SORCS2: variants seen among roughly 807,000 people sequenced by gnomAD.
SORCS2 encodes the protein VPS10 domain-containing receptor SorCS2.
In SORCS2, 100 loss-of-function variants were observed where a neutral mutation model predicts 141.6. The ratio of observed to expected loss-of-function variants is 0.71; its 90% CI spans 0.60 to 0.83. The LOEUF is 0.83. Among genes scored for constraint, SORCS2 ranks in the 40% least tolerant of loss-of-function variants. The probability of loss-of-function intolerance (pLI) is 0.00; values close to 1 mark genes in which losing one functional copy is unlikely to be tolerated. For missense variants in SORCS2, 1,646 were observed against 1,560.2 expected, an observed-to-expected ratio of 1.05 and a Z score of -0.93; for synonymous variants, 789 against 676.9, an observed-to-expected ratio of 1.17 and a Z score of -2.57.
rs138372191 is a variant in SORCS2, at chr4:7,536,262, G to A, written c.648+4633G>A. ...TCCTTGTCTGTAGAGTGGGGTTGCG[G>A]TGGTGAATAAGGATTACCTGGGTTA... On this transcript the variant is annotated intron_variant, in intron 3 of 26. Transcript: ENST00000507866. 1.7e-3 allele frequency among the ~76,000 whole-genome samples: 253 copies of A among 152,348 alleles called. 4 individuals carry two copies. The highest frequency in any genetic ancestry group is 5.3e-3 in the African/African-American group (220 of 41,584).
At chr4:7,691,500 G>C (rs1227624872) in intron 11 of SORCS2, among the ~76,000 whole-genome samples, 2 of 152,132 alleles carry the variant, frequency 1.3e-5, no homozygotes, top group Non-Finnish European at 2.9e-5. Flanking sequence ...TTGCACCTGG[G>C]AAGGGAGGGG....
chr4:7,627,524 A>G (rs886372), intron 3 of SORCS2, among the ~76,000 whole-genome samples: 119,142 of 152,164 alleles, frequency 0.78, 47,177 homozygotes, highest in East Asian at 0.96. Context: ...TTTAGGAACC[A>G]TGAATGCTGA....
At position 7,714,332 on chromosome 4, in the gene SORCS2, C is replaced by G; in HGVS notation, c.2082C>G (p.Leu694=). 1 of 1,575,274 alleles carries G rather than the reference C, an allele frequency of 6.3e-7. No homozygotes were observed. Among genetic ancestry groups the G allele is most frequent in the South Asian group, 1.2e-5 (1 of 85,740 alleles). ...CIKGRSFTSA[L]TSRVCECRDS... ...AGGGGAGGAGCTTCACGTCGGCGCT[C>G]ACGTCCCGCGTGTGCGAGTGCCGGG... is the stretch of plus-strand genomic sequence containing the variant. The change falls in exon 16 of 27, where the codon CTC becomes CTG. Residue 694 remains leucine, a synonymous_variant. Coordinates refer to ENST00000507866, the MANE Select transcript of SORCS2 (RefSeq NM_020777.3).
chr4:7,350,402 G>A (rs1232153354), intron 1 of SORCS2, among the ~76,000 whole-genome samples: 2 of 152,246 alleles, frequency 1.3e-5, no homozygotes, highest in Non-Finnish European at 2.9e-5. Flanking sequence ...ACAGAACTTA[G>A]CAATACATAG....
At chr4:7,446,776 T>C (rs1297259746) in intron 2 of SORCS2, among the ~76,000 whole-genome samples, 3 of 152,190 alleles carry the variant, frequency 2.0e-5, no homozygotes, top group African/African-American at 7.2e-5. Context: ...CCAGGGGCAA[T>C]TGTACGTGCA....
At chr4:7,194,245 G>A (rs539187676) in intron 1 of SORCS2, among the ~76,000 whole-genome samples, 75 of 152,210 alleles carry the variant, frequency 4.9e-4, no homozygotes, top group African/African-American at 1.7e-3. Context: ...GCTTCCCAAA[G>A]GGCCAGGGTT....
At chr4:7,728,644 C>T (rs974093909) in intron 22 of SORCS2, among the ~76,000 whole-genome samples, 182 bp downstream of exon 22, 17 of 152,198 alleles carry the variant, frequency 1.1e-4, no homozygotes, top group African/African-American at 4.1e-4. Context: ...GGCACACTGC[C>T]CTTATTTAGG....
chr4:7,536,838 G>C (rs1263135620), intron 3 of SORCS2, among the ~76,000 whole-genome samples: 19 of 41,146 alleles, frequency 4.6e-4, no homozygotes, highest in Non-Finnish European at 1.9e-3. Context: ...GATGTGGGGG[G>C]GGGGGGCGGG....
intron 9 of SORCS2, among the ~76,000 whole-genome samples, chr4:7,680,062 C>G (rs1024551155): frequency 6.6e-6 from 1 of 152,230 alleles, no homozygotes; most frequent in Non-Finnish European, 1.5e-5. Context: ...GGTGATGTCC[C>G]TGGGTCCCCA....
intron 8 of SORCS2, among the ~76,000 whole-genome samples, chr4:7,673,465 C>A (rs934241744): frequency 5.3e-5 from 8 of 152,112 alleles, no homozygotes; most frequent in African/African-American, 1.9e-4. Context: ...GAATATCATG[C>A]AGTCATTAAA....
In SORCS2 at chr4:7,635,998, A is replaced by G. The variant is rs571055847; in HGVS notation, c.649-2330A>G. 1.1e-4 allele frequency among the ~76,000 whole-genome samples: 16 copies of G among 152,356 alleles called. No homozygotes were observed. In the South Asian group the frequency reaches 3.3e-3, roughly 32 times the overall value. ...CTTGCAGACTATTGATTTTTGCTCC[A>G]TGAGCTTAATTGTCTTCTGGAGATA... On this transcript the variant is annotated intron_variant, in intron 3 of 26. Transcript: ENST00000507866.
chr4:7,290,796 TTTCATTCATTCA>T (rs3031021), intron 1 of SORCS2, among the ~76,000 whole-genome samples: 4 of 151,246 alleles, frequency 2.6e-5, no homozygotes, highest in South Asian at 2.1e-4. Flanking sequence ...GGCTGCATTC[TTTCATTCATTCA>T]TTCATTCATT....
At chr4:7,498,770 C>T (rs746028797) in intron 2 of SORCS2, among the ~76,000 whole-genome samples, 3 of 152,220 alleles carry the variant, frequency 2.0e-5, no homozygotes, top group Non-Finnish European at 4.4e-5. Context: ...CAGGGCTGCC[C>T]GGGAGCTGGG....
intron 1 of SORCS2, among the ~76,000 whole-genome samples, chr4:7,392,378 G>C (rs1560246674): frequency 6.6e-6 from 1 of 152,220 alleles, no homozygotes; most frequent in Non-Finnish European, 1.5e-5. Flanking sequence ...GGTTGGCTGG[G>C]ACTGGGCCTG....
chr4:7,437,013 G>A (rs965303548), intron 2 of SORCS2, among the ~76,000 whole-genome samples: 1 of 152,210 alleles, frequency 6.6e-6, no homozygotes, highest in South Asian at 2.1e-4. Context: ...GTTTTGTTTC[G>A]GGGACTGGGG....
chr4:7,680,683 G>C (rs1723472956), intron 9 of SORCS2, among the ~76,000 whole-genome samples: 1 of 152,234 alleles, frequency 6.6e-6, no homozygotes, highest in African/African-American at 2.4e-5. Flanking sequence ...GCGTTCCCTA[G>C]AAACTCTGGG....
At chr4:7,655,963 A>G (rs1209424675) in intron 5 of SORCS2, among the ~76,000 whole-genome samples, 6 of 152,174 alleles carry the variant, frequency 3.9e-5, no homozygotes, top group Admixed American at 2.6e-4. Flanking sequence ...TCCTCCCCCA[A>G]GTTTCCCTGC....
intron 3 of SORCS2, among the ~76,000 whole-genome samples, chr4:7,573,664 T>C (rs1715542728): frequency 6.6e-6 from 1 of 152,148 alleles, no homozygotes; most frequent in East Asian, 1.9e-4. Context: ...ATTACAGGCA[T>C]GCACCACCGC....
In SORCS2 at chr4:7,663,150, AAGAG is replaced by A. The variant is rs1302007096; in HGVS notation, c.953-1202_953-1199del. Among the ~76,000 whole-genome samples the A allele has an allele frequency of 2.7e-5, 4 of 150,728 alleles. No individual in the cohort carries two copies. Among genetic ancestry groups the A allele is most frequent in the African/African-American group, 9.8e-5 (4 of 40,762 alleles). On this transcript the variant is annotated intron_variant, in intron 6 of 26. Transcript: ENST00000507866. This position sits in a 1 kb window ranked among gnomAD's most constrained non-coding sequence, Gnocchi z 4.8. ...GGTGAATAAGTGAGTGAGTAATTGA[AAGAG>A]TGAGTGAGTGAATGAGTGATGAGTG...
Sources: allele counts gnomAD v4.1 joint callset (sites outside exome capture counted in the v4.1 genomes callset), GRCh38; gene constraint gnomAD v4.1.1; non-coding constraint Gnocchi (gnomAD v3.1); transcripts MANE v1.5; gene names NCBI Gene and HGNC (gene_info 2026-07-23, HGNC 2026-07-21).